The following CHCHD6 variants were observed in gnomAD, a reference collection of about 807,000 sequenced individuals.
CHCHD6 encodes the protein coiled-coil-helix-coiled-coil-helix domain containing 6, also known as MICOS complex subunit MIC25.
A neutral mutation model predicts 32.3 loss-of-function variants in CHCHD6; 28 were observed. The ratio of observed to expected loss-of-function variants is 0.87; its 90% CI spans 0.64 to 1.19. The LOEUF (loss-of-function observed/expected upper bound fraction) is 1.19. CHCHD6 is among the 50% of genes most tolerant of loss of function. The pLI, the probability that CHCHD6 is intolerant of heterozygous loss-of-function variation, is 0.00. For synonymous variants in CHCHD6, 122 were observed against 117.5 expected (o/e 1.04, Z -0.25); for missense variants, 333 against 307.0 (o/e 1.08, Z -0.63).
chr3:126,752,612 G>C (rs574438580), intron 4 of CHCHD6, among the ~76,000 whole-genome samples: 8 of 152,266 alleles, frequency 5.3e-5, no homozygotes, highest in Admixed American at 2.6e-4. Flanking sequence ...TCTTTTTGTT[G>C]GGAGACCTGG....
rs193290271 is a variant in CHCHD6, at chr3:126,824,337, G to A, written c.412-28310G>A. On this transcript the variant is annotated intron_variant, in intron 4 of 7. Transcript: ENST00000290913. ...AGTACTTTGGGAGGCTGAGGTGTGC[G>A]GATCACCTGAAGTCGGGAGTTCGAG... Among the ~76,000 whole-genome samples, 163 of 151,518 alleles carry A rather than the reference G, an allele frequency of 1.1e-3. 1 individual carries two copies. Among genetic ancestry groups the A allele is most frequent in the African/African-American group, 3.5e-3 (145 of 41,318 alleles).
chr3:126,755,160 A>G (rs1936902528), intron 4 of CHCHD6, among the ~76,000 whole-genome samples: 1 of 152,200 alleles, frequency 6.6e-6, no homozygotes, highest in South Asian at 2.1e-4. Flanking sequence ...GAAGGGTTCA[A>G]AGAAATCAGA....
At chr3:126,898,400 TG>T (rs1462148876) in intron 5 of CHCHD6, among the ~76,000 whole-genome samples, 1 of 152,212 alleles carries the variant, frequency 6.6e-6, no homozygotes, top group Non-Finnish European at 1.5e-5. Context: ...TCTGGCCAGC[TG>T]GGGCACCGAG....
chr3:126,864,684 C>CTCCTCCTCCACCATCAACTCCTCT (rs1942177120), intron 5 of CHCHD6, among the ~76,000 whole-genome samples: 4 of 146,350 alleles, frequency 2.7e-5, no homozygotes, highest in African/African-American at 1.1e-4. Flanking sequence ...TCATCTCCTC[C>CTCCTCCTCCACCATCAACTCCTCT]TCCTCCTCCA....
At chr3:126,874,920 A>G (rs1303735882) in intron 5 of CHCHD6, among the ~76,000 whole-genome samples, 1 of 152,164 alleles carries the variant, frequency 6.6e-6, no homozygotes, top group Non-Finnish European at 1.5e-5. Flanking sequence ...TCCCACCAGC[A>G]GAATGGACCT....
At chr3:126,857,294 G>A (rs556775637) in intron 5 of CHCHD6, among the ~76,000 whole-genome samples, 24 of 152,312 alleles carry the variant, frequency 1.6e-4, no homozygotes, top group African/African-American at 5.8e-4. Context: ...AAACTCAGCA[G>A]CTATGAAGTG....
chr3:126,823,072 GTTGTT>G (rs1232880600), intron 4 of CHCHD6, among the ~76,000 whole-genome samples: 1 of 151,842 alleles, frequency 6.6e-6, no homozygotes, highest in Admixed American at 6.6e-5. Context: ...CACCCTGCCA[GTTGTT>G]TTGTTTTGTT....
intron 4 of CHCHD6, among the ~76,000 whole-genome samples, chr3:126,798,708 C>T (rs867289494): frequency 6.6e-6 from 1 of 152,118 alleles, no homozygotes; most frequent in Non-Finnish European, 1.5e-5. Flanking sequence ...CTCTTCTGGT[C>T]GGAGAGGACC....
chr3:126,773,668 C>T (rs563586297), intron 4 of CHCHD6, among the ~76,000 whole-genome samples: 8 of 146,692 alleles, frequency 5.5e-5, no homozygotes, highest in Admixed American at 1.4e-4. Flanking sequence ...TGCAGTGGCA[C>T]GATCTTGGCT....
chr3:126,920,485 T>C (rs2078231876), intron 6 of CHCHD6, among the ~76,000 whole-genome samples: 1 of 152,194 alleles, frequency 6.6e-6, no homozygotes, highest in Non-Finnish European at 1.5e-5. Flanking sequence ...CTTGGTGAGC[T>C]CTAAACCACA....
intron 1 of CHCHD6, among the ~76,000 whole-genome samples, chr3:126,723,014 T>G (rs1204326213): frequency 3.9e-5 from 6 of 152,162 alleles, no homozygotes; most frequent in Admixed American, 3.9e-4. Context: ...CTATATTATT[T>G]TGCAAGGGAT....
intron 4 of CHCHD6, among the ~76,000 whole-genome samples, chr3:126,815,646 C>CGG (rs1939859119): frequency 8.7e-6 from 1 of 115,122 alleles, no homozygotes; most frequent in African/African-American, 2.8e-5. Context: ...GGTTCTTGCC[C>CGG]CCCCCCCCCC....
At chr3:126,742,826 T>C (rs1445888655) in intron 4 of CHCHD6, among the ~76,000 whole-genome samples, 1 of 152,188 alleles carries the variant, frequency 6.6e-6, no homozygotes. Context: ...TTTTTCTTTA[T>C]CAATGACCCA....
intron 5 of CHCHD6, among the ~76,000 whole-genome samples, chr3:126,860,674 T>A (rs1358707129): frequency 2.0e-5 from 3 of 152,206 alleles, no homozygotes; most frequent in South Asian, 2.1e-4. Context: ...ACCTTTTTTT[T>A]AGTAATGGTA....
chr3:126,957,739 T>C, intron 7 of CHCHD6, 188 bp downstream of exon 7: 1 of 712,600 alleles, frequency 1.4e-6, no homozygotes, highest in Admixed American at 2.2e-5. Context: ...CCTGGCTGCT[T>C]CCAGGAGCGC....
chr3:126,805,943 A>C (rs1939351976), intron 4 of CHCHD6, among the ~76,000 whole-genome samples: 1 of 152,236 alleles, frequency 6.6e-6, no homozygotes. Context: ...AAAAACAAGC[A>C]ATGGGGAAAG....
chr3:126,918,533 T>C (rs1232379538), intron 6 of CHCHD6, among the ~76,000 whole-genome samples: 1 of 152,232 alleles, frequency 6.6e-6, no homozygotes. Flanking sequence ...TAACTGATTA[T>C]AGCAATGAGT....
chr3:126,750,896 A>G (rs929544334), intron 4 of CHCHD6, among the ~76,000 whole-genome samples: 1 of 152,204 alleles, frequency 6.6e-6, no homozygotes, highest in Non-Finnish European at 1.5e-5. Flanking sequence ...CATCATGGCT[A>G]TGGGCCCTGC....
At chr3:126,749,910 G>A (rs1312347333) in intron 4 of CHCHD6, among the ~76,000 whole-genome samples, 3 of 152,098 alleles carry the variant, frequency 2.0e-5, no homozygotes, top group African/African-American at 7.2e-5. Context: ...GGCTATGGGG[G>A]GACAATTGGA....
Sources: allele counts gnomAD v4.1 joint callset (sites outside exome capture counted in the v4.1 genomes callset), GRCh38; gene constraint gnomAD v4.1.1; transcripts MANE v1.5; gene names NCBI Gene and HGNC (gene_info 2026-07-23, HGNC 2026-07-21).